The following SOX5 variants were observed in gnomAD, a reference collection of about 807,000 sequenced individuals.
SOX5 encodes SRY-box transcription factor 5, also known as transcription factor SOX-5.
A neutral mutation model predicts 92.0 loss-of-function variants in SOX5; 9 were observed. The observed-to-expected ratio is 0.10, with a 90% confidence interval of 0.06 to 0.17. SOX5 has a LOEUF of 0.17. Ranked by LOEUF, SOX5 falls within the 10% of genes least tolerant of loss-of-function variation. The pLI is 1.00. For missense variants in SOX5, 642 were observed against 944.5 expected (o/e 0.68, Z 4.20); for synonymous variants, 344 against 336.3 (o/e 1.02, Z -0.25).
At chr12:23,997,048 A>G (rs375603052) in intron 4 of SOX5, among the ~76,000 whole-genome samples, 2 of 152,228 alleles carry the variant, frequency 1.3e-5, no homozygotes, top group African/African-American at 4.8e-5. Flanking sequence ...ATTTTCTCAC[A>G]AAGCAAAGAC....
At chr12:23,562,167 T>G (rs1337345294) in intron 11 of SOX5, among the ~76,000 whole-genome samples, 1 of 152,176 alleles carries the variant, frequency 6.6e-6, no homozygotes, top group East Asian at 1.9e-4. Context: ...ACGTCTTATG[T>G]TGTAACACTG....
At chr12:24,132,437 C>T (rs897036541) in intron 4 of SOX5, among the ~76,000 whole-genome samples, 7 of 152,074 alleles carry the variant, frequency 4.6e-5, no homozygotes, top group Admixed American at 2.6e-4. Context: ...ATTTTTAATT[C>T]GTTTTGACTT....
intron 3 of SOX5, among the ~76,000 whole-genome samples, chr12:24,231,124 T>C (rs1203101331): frequency 2.0e-5 from 3 of 152,246 alleles, no homozygotes; most frequent in Non-Finnish European, 4.4e-5. Flanking sequence ...TGTTATTTCA[T>C]ATTGAAGCTC....
intron 4 of SOX5, among the ~76,000 whole-genome samples, chr12:24,065,829 T>C (rs1227545023): frequency 1.3e-5 from 2 of 152,132 alleles, no homozygotes; most frequent in Admixed American, 6.5e-5. Context: ...CCCTGTCTTA[T>C]CTCACTTCAC....
At chr12:23,882,036 GCAGAGATATATGTT>G (rs2096997801) in intron 2 of SOX5, among the ~76,000 whole-genome samples, 1 of 152,282 alleles carries the variant, frequency 6.6e-6, no homozygotes, top group South Asian at 2.1e-4. Context: ...ACTAAAAACG[GCAGAGATATATGTT>G]TAATCATCAA....
At chr12:24,072,319 C>T (rs896455184) in intron 4 of SOX5, among the ~76,000 whole-genome samples, 1 of 151,958 alleles carries the variant, frequency 6.6e-6, no homozygotes, top group African/African-American at 2.4e-5. Flanking sequence ...AATGTGTGCT[C>T]CTAAAAGAAA....
At chr12:24,329,595 T>C (rs1029356985) in intron 2 of SOX5, among the ~76,000 whole-genome samples, 2 of 152,174 alleles carry the variant, frequency 1.3e-5, no homozygotes, top group East Asian at 1.9e-4. Context: ...TATGGTTCTA[T>C]ATTGGTTCTA....
intron 8 of SOX5, among the ~76,000 whole-genome samples, chr12:23,625,287 A>C (rs1445532728): frequency 1.3e-5 from 2 of 152,186 alleles, no homozygotes; most frequent in African/African-American, 4.8e-5. Context: ...TCTGAAACAC[A>C]GTTTGAAAAC....
intron 6 of SOX5, among the ~76,000 whole-genome samples, chr12:23,675,023 A>T (rs532608242): frequency 7.0e-4 from 106 of 152,154 alleles, no homozygotes; most frequent in Non-Finnish European, 1.1e-3. Context: ...AAACAGAAAA[A>T]TTTTTTTGAT....
intron 3 of SOX5, among the ~76,000 whole-genome samples, chr12:23,782,742 G>T (rs1429589787): frequency 6.6e-6 from 1 of 152,136 alleles, no homozygotes; most frequent in Non-Finnish European, 1.5e-5. Context: ...AGAAATGTTT[G>T]TCATAAAGTG....
chr12:23,924,010 T>C (rs1042361544), intron 1 of SOX5, among the ~76,000 whole-genome samples: 2 of 152,212 alleles, frequency 1.3e-5, no homozygotes, highest in Non-Finnish European at 2.9e-5. Flanking sequence ...TATAAACCTT[T>C]CTACCACTCA....
chr12:23,560,410 AAAGAT>A (rs1353270823), intron 11 of SOX5, among the ~76,000 whole-genome samples: 2 of 152,250 alleles, frequency 1.3e-5, no homozygotes, highest in Non-Finnish European at 2.9e-5. Flanking sequence ...ACTCTAATAA[AAAGAT>A]AAGTATTAGA....
At chr12:24,540,642 G>A (rs558370744) in intron 1 of SOX5, among the ~76,000 whole-genome samples, 4 of 152,276 alleles carry the variant, frequency 2.6e-5, no homozygotes, top group South Asian at 4.1e-4. Context: ...TGAGATGGAT[G>A]TTTTAGTCAG....
At chr12:24,151,866 A>C (rs996208504) in intron 4 of SOX5, among the ~76,000 whole-genome samples, 2 of 152,000 alleles carry the variant, frequency 1.3e-5, no homozygotes, top group African/African-American at 4.8e-5. Flanking sequence ...GAAGTAAAAA[A>C]ATAAATAAAT....
chr12:24,514,037 CA>C (rs1207213003), intron 1 of SOX5, among the ~76,000 whole-genome samples: 1 of 152,196 alleles, frequency 6.6e-6, no homozygotes, highest in Admixed American at 6.5e-5. Flanking sequence ...TTCTACAGGA[CA>C]GTCCTTCAAA....
chr12:24,349,424 G>C lies in SOX5; in HGVS notation c.-174+19139C>G, dbSNP rs12230463. Reference sequence around the variant, plus strand: ...AAGGTCTATAGCCCTTTGACAATAAGTCAATTTTCTCTCCTCCCTCCACCC... The same window carrying C: ...AAGGTCTATAGCCCTTTGACAATAACTCAATTTTCTCTCCTCCCTCCACCC... On this transcript the variant is annotated intron_variant, in intron 2 of 4. Coordinates refer to the SOX5 transcript ENST00000446891. Among the ~76,000 whole-genome samples the C allele has an allele frequency of 0.038, 5,720 of 152,166 alleles. 566 individuals carry two copies. In the East Asian group the frequency reaches 0.41, roughly 11 times the overall value.
intron 4 of SOX5, among the ~76,000 whole-genome samples, chr12:24,055,235 A>C (rs1592724786): frequency 6.6e-6 from 1 of 152,178 alleles, no homozygotes; most frequent in East Asian, 1.9e-4. Context: ...TGCTGCTTCT[A>C]CTTCCAAAAA....
chr12:23,801,859 C>T (rs1419729296), intron 3 of SOX5, among the ~76,000 whole-genome samples: 1 of 152,104 alleles, frequency 6.6e-6, no homozygotes, highest in Admixed American at 6.6e-5. Flanking sequence ...AGCTACTTCA[C>T]CATCTTGACT....
chr12:23,706,577 T>C (rs2091421291), intron 6 of SOX5, among the ~76,000 whole-genome samples: 2 of 152,046 alleles, frequency 1.3e-5, no homozygotes, highest in Admixed American at 6.6e-5. Flanking sequence ...TAAAAAAACA[T>C]TAAAATATGG....
Sources: gnomAD v4.1 joint callset for allele counts (sites outside exome capture counted in the v4.1 genomes callset) on GRCh38, gnomAD v4.1.1 for gene constraint, MANE v1.5 for transcripts, NCBI Gene and HGNC (gene_info 2026-07-23, HGNC 2026-07-21) for gene names.